ARMC3: variants seen among roughly 807,000 people sequenced by gnomAD.
ARMC3 encodes the protein armadillo repeat containing 3.
Under a neutral mutation model 90.3 loss-of-function variants are expected in ARMC3, and 74 were observed. The observed-to-expected ratio is 0.82, with a 90% CI of 0.68 to 0.99. The LOEUF (loss-of-function observed/expected upper bound fraction) is 0.99. Ranked by LOEUF, ARMC3 falls within the 50% of genes least tolerant of loss-of-function variation. The probability of loss-of-function intolerance (pLI) is 0.00; values close to 1 mark genes in which losing one functional copy is unlikely to be tolerated. For missense variants in ARMC3, 958 were observed against 1,042.8 expected (o/e 0.92, Z 1.12); for synonymous variants, 334 against 361.8 (o/e 0.92, Z 0.87).
rs1836182775 is a variant in ARMC3 at position 22,981,462 on chromosome 10, T to G, written c.1039T>G (p.Ser347Ala). The change falls in exon 9 of 19, where the codon TCA becomes GCA. Residue 347 changes from serine to alanine, a missense_variant. Coordinates refer to ENST00000298032, the MANE Select transcript of ARMC3 (RefSeq NM_173081.5). ...SQAISAMCEN[S>A]GSKDFFNNQG... ...AGCTATTTCAGCAATGTGTGAGAATTCAGGCAGCAAAGATTTTTTCAATAA... is the reference window on the plus strand; with the variant it reads ...AGCTATTTCAGCAATGTGTGAGAATGCAGGCAGCAAAGATTTTTTCAATAA... 1.9e-6 allele frequency: 3 copies of G among 1,613,838 alleles called. No individual in the cohort carries two copies. Among genetic ancestry groups the G allele is most frequent in the Admixed American group, 1.7e-5 (1 of 59,938 alleles).
chr10:22,951,262 A>G (rs1355873017), intron 3 of ARMC3, among the ~76,000 whole-genome samples: 1 of 152,214 alleles, frequency 6.6e-6, no homozygotes, highest in East Asian at 1.9e-4. Flanking sequence ...GTTATGTACC[A>G]AATATGAGAT....
chr10:23,019,400 A>T (rs577770526), intron 16 of ARMC3, among the ~76,000 whole-genome samples: 1 of 152,232 alleles, frequency 6.6e-6, no homozygotes, highest in South Asian at 2.1e-4. Context: ...TGATTTCTGT[A>T]TACAATTCTA....
chr10:23,009,593 G>A (rs145354350), intron 16 of ARMC3, among the ~76,000 whole-genome samples: 1 of 152,272 alleles, frequency 6.6e-6, no homozygotes, highest in East Asian at 1.9e-4. Context: ...CTGCCTCCCT[G>A]GTTCAAGCAA....
intron 4 of ARMC3, 97 bp downstream of exon 4, chr10:22,956,029 A>G: frequency 8.3e-7 from 1 of 1,199,716 alleles, no homozygotes; most frequent in Non-Finnish European, 1.1e-6. Context: ...AATTTTATTT[A>G]AACTGACTTT....
intron 8 of ARMC3, among the ~76,000 whole-genome samples, chr10:22,973,753 C>CTTTTTTTTTTTTTTT (rs56405413): frequency 5.0e-5 from 4 of 79,926 alleles, no homozygotes; most frequent in Non-Finnish European, 7.0e-5. Context: ...CTTTGTCTTT[C>CTTTTTTTTTTTTTTT]TTTTTTTTTT....
rs186824191 is a variant in ARMC3 at position 23,030,955 on chromosome 10, C to A, written c.2246+159C>A. The stretch of plus-strand genomic sequence containing the variant: ...CACAATGAATTGGAAAAGTCCTCAA[C>A]TTCTATTTAGGTCATACGTTCACTA... On this transcript the variant is annotated intron_variant, in intron 17 of 18. Transcript: ENST00000298032. 1.7e-5 allele frequency: 14 copies of A among 803,218 alleles called. No homozygotes were observed. In the Admixed American group the frequency reaches 4.0e-4, roughly 23 times the overall value. 49.8% of individuals were successfully genotyped at this position (803,218 alleles called of 1,614,324 possible).
At chr10:22,930,935 CT>C (rs34860824) in intron 1 of ARMC3, among the ~76,000 whole-genome samples, 32,611 of 147,248 alleles carry the variant, frequency 0.22, 4,188 homozygotes, top group East Asian at 0.45. Context: ...TGAAAAGTTT[CT>C]TTTTTTTTTT....
chr10:22,938,216 A>G (rs61529163), intron 2 of ARMC3, among the ~76,000 whole-genome samples: 3,215 of 152,222 alleles, frequency 0.021, 44 homozygotes, highest in South Asian at 0.03. Flanking sequence ...CAGCCAGACC[A>G]CAGTAACTAA....
At position 23,033,032 on chromosome 10, in the gene ARMC3, G is replaced by T. The variant is rs920176435; in HGVS notation, c.2409+9G>T. The T allele has an allele frequency of 6.2e-7, 1 of 1,610,574 alleles. No individual in the cohort carries two copies. Among genetic ancestry groups the T allele is most frequent in the East Asian group, 2.2e-5 (1 of 44,484 alleles). On this transcript the variant is annotated intron_variant, in intron 18 of 18. Coordinates refer to ENST00000298032, the MANE Select transcript of ARMC3 (RefSeq NM_173081.5). ...GAGCTTTGCTTTTCAAGGTGTGTAA[G>T]GTATTTTGCCTCATTTGCCATTAAG...
At chr10:22,966,218 A>G (rs1238414826) in intron 7 of ARMC3, among the ~76,000 whole-genome samples, 1 of 152,122 alleles carries the variant, frequency 6.6e-6, no homozygotes, top group East Asian at 1.9e-4. Flanking sequence ...TTCTCCCCAG[A>G]GCTTCTGCAG....
chr10:22,987,611 T>C (rs969996737), intron 10 of ARMC3, among the ~76,000 whole-genome samples: 6 of 152,166 alleles, frequency 3.9e-5, no homozygotes, highest in Admixed American at 6.5e-5. Context: ...TTAATAACTA[T>C]AGAGAAGTGA....
At chr10:22,937,329 T>G (rs1834150302) in intron 2 of ARMC3, among the ~76,000 whole-genome samples, 1 of 152,228 alleles carries the variant, frequency 6.6e-6, no homozygotes. Flanking sequence ...AGACTTGTTC[T>G]TCTGTGGTGA....
intron 3 of ARMC3, among the ~76,000 whole-genome samples, chr10:22,952,409 T>C (rs1834770106): frequency 6.6e-6 from 1 of 152,136 alleles, no homozygotes; most frequent in Non-Finnish European, 1.5e-5. Flanking sequence ...ATGAATAAAT[T>C]AATACCAATA....
Position 22,955,948 on chromosome 10 carries a change from T to A in ARMC3, c.292+16T>A. 2 of 1,562,360 alleles carry A rather than the reference T, an allele frequency of 1.3e-6. No homozygotes were observed. Among genetic ancestry groups the A allele is most frequent in the Non-Finnish European group, 1.8e-6 (2 of 1,140,410 alleles). On this transcript the variant is annotated intron_variant, in intron 4 of 18. Transcript: ENST00000298032. ...GCTTCTAATAGTAAGTATCAACTTT[T>A]AAAAATAATCAAATAATCCCATGTT...
intron 10 of ARMC3, among the ~76,000 whole-genome samples, chr10:22,992,748 G>T (rs1280717123): frequency 6.6e-6 from 1 of 152,132 alleles, no homozygotes; most frequent in Non-Finnish European, 1.5e-5. Flanking sequence ...CCACTTCTTG[G>T]ATCATTACCT....
chr10:22,964,583 C>T (rs1173879422), intron 7 of ARMC3, among the ~76,000 whole-genome samples: 1 of 151,862 alleles, frequency 6.6e-6, no homozygotes, highest in Non-Finnish European at 1.5e-5. Context: ...GGATTACAGG[C>T]ACGTGCCACC....
chr10:22,975,307 C>T (rs1396433257), intron 8 of ARMC3, among the ~76,000 whole-genome samples: 1 of 152,152 alleles, frequency 6.6e-6, no homozygotes, highest in Non-Finnish European at 1.5e-5. Flanking sequence ...GTACTCCCAG[C>T]GGTTTGGGAG....
chr10:22,935,078 T>C (rs1414444479), intron 2 of ARMC3, among the ~76,000 whole-genome samples: 4 of 152,248 alleles, frequency 2.6e-5, no homozygotes, highest in African/African-American at 9.6e-5. Context: ...CAAGAGACTA[T>C]GACCTGGCCC....
intron 10 of ARMC3, among the ~76,000 whole-genome samples, chr10:22,985,204 C>T (rs1048089757): frequency 6.6e-6 from 1 of 151,810 alleles, no homozygotes; most frequent in Non-Finnish European, 1.5e-5. Context: ...CCCTCTCAGC[C>T]TTTTGAACTG....
Sources: gnomAD v4.1 joint callset for allele counts (sites outside exome capture counted in the v4.1 genomes callset) on GRCh38, gnomAD v4.1.1 for gene constraint, MANE v1.5 for transcripts, NCBI Gene and HGNC (gene_info 2026-07-23, HGNC 2026-07-21) for gene names.